The following R3HDM1 variants were observed in gnomAD, a reference collection of about 807,000 sequenced individuals.
R3HDM1 encodes the protein R3H domain containing 1.
In R3HDM1, 46 loss-of-function variants were observed where a neutral mutation model predicts 141.1. That is an observed-to-expected ratio of 0.33 (90% CI 0.26 to 0.42). R3HDM1 has a LOEUF of 0.42. Among genes scored for constraint, R3HDM1 ranks in the 10% least tolerant of loss-of-function variants. The pLI is 1.00. For synonymous variants in R3HDM1, 435 were observed against 472.9 expected (o/e 0.92, Z 1.04); for missense variants, 1,184 against 1,368.3 (o/e 0.87, Z 2.12).
intron 21 of R3HDM1, among the ~76,000 whole-genome samples, chr2:135,680,653 G>A (rs1049160890): frequency 1.3e-5 from 2 of 152,114 alleles, no homozygotes; most frequent in African/African-American, 2.4e-5. Context: ...GCCTGTGATC[G>A]CAACTGCTCG....
At chr2:135,639,236 A>C (rs903997911) in intron 14 of R3HDM1, 114 bp downstream of exon 14, 28 of 1,040,442 alleles carry the variant, frequency 2.7e-5, no homozygotes, top group Non-Finnish European at 1.4e-5. Flanking sequence ...ATCACTATCA[A>C]TAGTACCTTG....
intron 1 of R3HDM1, among the ~76,000 whole-genome samples, chr2:135,550,713 A>G (rs980262685): frequency 6.6e-6 from 1 of 152,178 alleles, no homozygotes; most frequent in African/African-American, 2.4e-5. Context: ...TTCAATATAA[A>G]ATATTGTGCC....
At position 135,626,570 on chromosome 2, in the gene R3HDM1, C is replaced by A. The variant is rs748346394; in HGVS notation, c.497+3838C>A. ...TCTAAACCTGTGGGAAAGACATCAGCAAGGAACAAAGATTATAAATCCATT... is the reference window on the plus strand; with the variant it reads ...TCTAAACCTGTGGGAAAGACATCAGAAAGGAACAAAGATTATAAATCCATT... On this transcript the variant is annotated intron_variant, in intron 7 of 26. Transcript: ENST00000683871. Among the ~76,000 whole-genome samples, 12 of 152,238 alleles carry A rather than the reference C, an allele frequency of 7.9e-5. No homozygotes were observed. The East Asian group carries it at 2.3e-3, about 29-fold the overall frequency.
At chr2:135,595,288 C>A (rs1710384296) in intron 1 of R3HDM1, among the ~76,000 whole-genome samples, 1 of 152,212 alleles carries the variant, frequency 6.6e-6, no homozygotes. Context: ...CATAACTCTT[C>A]CAGCTCTCAC....
intron 2 of R3HDM1, 108 bp from the exon 3 acceptor site, chr2:135,604,698 C>G (rs2059905614): frequency 2.4e-6 from 2 of 818,610 alleles, no homozygotes; most frequent in East Asian, 2.8e-5. Context: ...GAATTTTGTT[C>G]CTGTCTATAT....
chr2:135,640,195 A>G lies in R3HDM1; in HGVS notation c.1219+1073A>G, dbSNP rs2063661982. On this transcript the variant is annotated intron_variant, in intron 14 of 26. Transcript: ENST00000683871. ...ATTGTACACGTAAGAATTGAAGGAC[A>G]TATTTGAACTGAAGGGCTGTAATCA... is the stretch of plus-strand genomic sequence containing the variant. 2.6e-5 allele frequency among the ~76,000 whole-genome samples: 4 copies of G among 152,196 alleles called. No homozygotes were observed. The South Asian group carries it at 6.2e-4, about 24-fold the overall frequency.
chr2:135,633,665 G>C (rs2062955096), intron 9 of R3HDM1: 1 of 152,112 alleles, frequency 6.6e-6, no homozygotes, highest in African/African-American at 2.4e-5. Flanking sequence ...GCTCCATATT[G>C]AATAAAAACA....
At chr2:135,616,051 T>C in intron 3 of R3HDM1, 101 bp from the exon 4 acceptor site, 1 of 1,178,438 alleles carries the variant, frequency 8.5e-7, no homozygotes, top group Non-Finnish European at 1.2e-6. Context: ...CTTTTCATAC[T>C]TTATGCACAG....
chr2:135,673,022 G>A (rs534503599), intron 19 of R3HDM1, among the ~76,000 whole-genome samples: 8 of 152,276 alleles, frequency 5.3e-5, no homozygotes, highest in Middle Eastern at 3.4e-3. Flanking sequence ...CAAGAGAATC[G>A]CTTGAACCCA....
chr2:135,580,356 T>G (rs899048429), intron 1 of R3HDM1, among the ~76,000 whole-genome samples: 2 of 152,242 alleles, frequency 1.3e-5, no homozygotes, highest in African/African-American at 4.8e-5. Flanking sequence ...CATGACATAG[T>G]AAGCTTTGCT....
intron 7 of R3HDM1, 61 bp from the exon 8 acceptor site, chr2:135,631,657 G>A: frequency 1.5e-6 from 2 of 1,374,948 alleles, no homozygotes; most frequent in Non-Finnish European, 2.0e-6. Context: ...ATAGGCTGTT[G>A]ACATTTGTGA....
chr2:135,640,992 A>G (rs542541511), intron 14 of R3HDM1, among the ~76,000 whole-genome samples: 2 of 152,220 alleles, frequency 1.3e-5, no homozygotes, highest in Non-Finnish European at 2.9e-5. Context: ...TTGATTTTAC[A>G]TTTTGGGAAA....
At position 135,651,828 on chromosome 2, in the gene R3HDM1, G is replaced by A. The variant is rs775903523; in HGVS notation, c.1824G>A (p.Val608=). Residue 608 remains valine, a synonymous_variant, in exon 18 of 27, where the codon GTG becomes GTA. Transcript: ENST00000683871. ...DPHAAMFQST[V]VLQSPQQSGY... Reference sequence around the variant, plus strand: ...ATGCCGCCATGTTCCAGTCCACTGTGGTTCTTCAGTCTCCACAGCAGTCTG... The same window carrying A: ...ATGCCGCCATGTTCCAGTCCACTGTAGTTCTTCAGTCTCCACAGCAGTCTG... 1.2e-6 allele frequency: 2 copies of A among 1,614,058 alleles called. No individual in the cohort carries two copies. The highest frequency in any genetic ancestry group is 2.2e-5 in the South Asian group (2 of 91,078).
chr2:135,579,603 G>A (rs908884135), intron 1 of R3HDM1, among the ~76,000 whole-genome samples: 1 of 149,476 alleles, frequency 6.7e-6, no homozygotes, highest in Non-Finnish European at 1.5e-5. Context: ...GGCGGGGGGG[G>A]GTGGAAATGG....
chr2:135,560,362 C>G (rs1413823192), intron 1 of R3HDM1, among the ~76,000 whole-genome samples: 1 of 152,152 alleles, frequency 6.6e-6, no homozygotes, highest in African/African-American at 2.4e-5. Context: ...TTTTTTCAGG[C>G]TGGAGTGCAG....
chr2:135,700,300 G>A (rs1009434172), intron 21 of R3HDM1, among the ~76,000 whole-genome samples: 1 of 152,126 alleles, frequency 6.6e-6, no homozygotes, highest in Non-Finnish European at 1.5e-5. Context: ...GTCACAGACC[G>A]TTTCTCAGAT....
chr2:135,577,895 A>G (rs1361281258), intron 1 of R3HDM1, among the ~76,000 whole-genome samples: 3 of 151,890 alleles, frequency 2.0e-5, no homozygotes, highest in Non-Finnish European at 4.4e-5. Flanking sequence ...CTCATCTACC[A>G]GATTAGTGAA....
At chr2:135,692,274 A>G (rs1180422591) in intron 21 of R3HDM1, among the ~76,000 whole-genome samples, 1 of 151,912 alleles carries the variant, frequency 6.6e-6, no homozygotes, top group African/African-American at 2.4e-5. Context: ...GTCTTTATGA[A>G]TCTTTTATTC....
At chr2:135,574,169 A>T (rs941220081) in intron 1 of R3HDM1, among the ~76,000 whole-genome samples, 1 of 152,230 alleles carries the variant, frequency 6.6e-6, no homozygotes, top group Admixed American at 6.5e-5. Context: ...AATAAGATAA[A>T]GCGGTAAATA....
Sources: allele counts gnomAD v4.1 joint callset (sites outside exome capture counted in the v4.1 genomes callset), GRCh38; gene constraint gnomAD v4.1.1; transcripts MANE v1.5; gene names NCBI Gene and HGNC (gene_info 2026-07-23, HGNC 2026-07-21).